Variants in ARHGEF28 observed in about 807,000 individuals in gnomAD.
ARHGEF28 encodes Rho guanine nucleotide exchange factor 28.
ARHGEF28 carries 152 observed loss-of-function variants against 206.6 expected under a neutral mutation model. The observed-to-expected ratio is 0.74, with a 90% CI of 0.64 to 0.84. The LOEUF is 0.84. Among genes scored for constraint, ARHGEF28 ranks in the 40% least tolerant of loss-of-function variants. The probability of loss-of-function intolerance (pLI) is 0.00; values close to 1 mark genes in which losing one functional copy is unlikely to be tolerated. For synonymous variants in ARHGEF28, 763 were observed against 776.4 expected (o/e 0.98, Z 0.29); for missense variants, 2,028 against 2,073.2 (o/e 0.98, Z 0.42).
chr5:73,750,111 T>G (rs1751948563), intron 3 of ARHGEF28, 127 bp downstream of exon 3: 2 of 1,050,868 alleles, frequency 1.9e-6, no homozygotes, highest in Non-Finnish European at 2.7e-6. Flanking sequence ...AGTGTGTGCG[T>G]GCCTGTGTGT....
chr5:73,901,106 C>T (rs138772206), intron 30 of ARHGEF28, 78 bp from the exon 31 acceptor site: 34 of 1,097,472 alleles, frequency 3.1e-5, no homozygotes, highest in African/African-American at 1.1e-4. Context: ...ATGTGTTGGC[C>T]GTGTACAGAA....
intron 1 of ARHGEF28, among the ~76,000 whole-genome samples, chr5:73,629,951 G>A (rs1743259743): frequency 6.6e-6 from 1 of 152,158 alleles, no homozygotes. Flanking sequence ...AGGACCAACA[G>A]GCAGAAATCA....
At chr5:73,939,013 T>A (rs1027835668) in intron 35 of ARHGEF28, among the ~76,000 whole-genome samples, 13 of 151,400 alleles carry the variant, frequency 8.6e-5, no homozygotes, top group African/African-American at 2.9e-4. Flanking sequence ...GGAGGGAAAG[T>A]ATTAAACATT....
intron 2 of ARHGEF28, among the ~76,000 whole-genome samples, chr5:73,712,636 G>A (rs533020623): frequency 6.6e-6 from 1 of 152,254 alleles, no homozygotes; most frequent in African/African-American, 2.4e-5. Flanking sequence ...TAGCTAGTGA[G>A]GAGAAATGAA....
chr5:73,739,895 T>A lies in ARHGEF28; in HGVS notation c.34-9942T>A, dbSNP rs555325295. On this transcript the variant is annotated intron_variant, in intron 2 of 35. Coordinates refer to ENST00000513042, the MANE Select transcript of ARHGEF28 (RefSeq NM_001177693.2). ...TAAAAAATAAACCTGGGGCTGGATG[T>A]GATGGCTCATGTCTGTAATTCCAGC... Among the ~76,000 whole-genome samples the A allele has an allele frequency of 1.2e-4, 18 of 150,092 alleles. No homozygotes were observed. In the South Asian group the frequency reaches 3.8e-3, roughly 32 times the overall value.
At chr5:73,649,681 T>C (rs1744672076) in intron 1 of ARHGEF28, among the ~76,000 whole-genome samples, 1 of 152,242 alleles carries the variant, frequency 6.6e-6, no homozygotes, top group Non-Finnish European at 1.5e-5. Context: ...CTGTTGTATG[T>C]TGCCACTTGT....
chr5:73,698,996 A>G (rs1016005737), intron 2 of ARHGEF28, among the ~76,000 whole-genome samples: 14 of 152,138 alleles, frequency 9.2e-5, no homozygotes, highest in Admixed American at 2.6e-4. Flanking sequence ...CTCTACCTGC[A>G]TCACCACATT....
At chr5:73,765,941 A>G (rs565762899) in intron 4 of ARHGEF28, among the ~76,000 whole-genome samples, 48 of 152,320 alleles carry the variant, frequency 3.2e-4, no homozygotes, top group African/African-American at 1.1e-3. Flanking sequence ...TCACAAGGTC[A>G]GGAGATCGAG....
At chr5:73,663,354 C>T (rs1232856927) in intron 1 of ARHGEF28, among the ~76,000 whole-genome samples, 1 of 152,294 alleles carries the variant, frequency 6.6e-6, no homozygotes, top group Non-Finnish European at 1.5e-5. Flanking sequence ...CACTAGGCAC[C>T]GAGTGCTGGA....
At chr5:73,843,442 G>A (rs974034886) in intron 11 of ARHGEF28, among the ~76,000 whole-genome samples, 1 of 152,200 alleles carries the variant, frequency 6.6e-6, no homozygotes, top group African/African-American at 2.4e-5. Flanking sequence ...TCCCTGGAAA[G>A]CCCTGGGGTG....
rs35722039 is a variant in ARHGEF28 at position 73,804,082 on chromosome 5, C to CAA, written c.1024+8715_1024+8716dup. On this transcript the variant is annotated intron_variant, in intron 9 of 35. Transcript: ENST00000513042. ...CCTGGATGACAGAGTGAGACCCTGT[C>CAA]AAAAAAAAAAAAAAAAAAAAAAAAA... Among the ~76,000 whole-genome samples, 383 of 64,274 alleles carry CAA rather than the reference C, an allele frequency of 6.0e-3. 16 individuals carry two copies. The highest frequency in any genetic ancestry group is 0.031 in the Middle Eastern group (3 of 98). 42.2% of individuals were successfully genotyped at this position (64,274 alleles called of 152,430 possible). A position where few individuals can be genotyped will look rare whatever the true frequency, so the allele number is the denominator to read the frequency against.
At chr5:73,653,788 A>G (rs1405256758) in intron 1 of ARHGEF28, among the ~76,000 whole-genome samples, 1 of 152,160 alleles carries the variant, frequency 6.6e-6, no homozygotes, top group African/African-American at 2.4e-5. Context: ...GCTCCTTTCC[A>G]GCCCTTGGAC....
At chr5:73,930,074 A>G (rs1764021384) in intron 35 of ARHGEF28, among the ~76,000 whole-genome samples, 1 of 152,234 alleles carries the variant, frequency 6.6e-6, no homozygotes, top group South Asian at 2.1e-4. Context: ...GGAGAGCAGT[A>G]AACATCTTTT....
chr5:73,648,667 G>A (rs1002596491), intron 1 of ARHGEF28, among the ~76,000 whole-genome samples: 6 of 152,208 alleles, frequency 3.9e-5, no homozygotes, highest in Non-Finnish European at 8.8e-5. Flanking sequence ...TTGCAGTCAG[G>A]TGGCTACAGG....
At chr5:73,695,855 C>T (rs544071346) in intron 2 of ARHGEF28, among the ~76,000 whole-genome samples, 4 of 152,290 alleles carry the variant, frequency 2.6e-5, no homozygotes, top group South Asian at 2.1e-4. Flanking sequence ...TCTCGCAACT[C>T]GCAGCCATAT....
At chr5:73,724,330 GA>G (rs1750150375) in intron 2 of ARHGEF28, among the ~76,000 whole-genome samples, 1 of 152,116 alleles carries the variant, frequency 6.6e-6, no homozygotes, top group African/African-American at 2.4e-5. Flanking sequence ...TTTTGAGAAA[GA>G]ATTGCCCAGA....
intron 9 of ARHGEF28, among the ~76,000 whole-genome samples, chr5:73,820,892 G>T (rs1279348382): frequency 6.6e-6 from 1 of 152,106 alleles, no homozygotes; most frequent in Non-Finnish European, 1.5e-5. Flanking sequence ...GCTTGGTAAT[G>T]GTTGTCCTCA....
At chr5:73,675,266 G>A (rs557555611) in intron 1 of ARHGEF28, among the ~76,000 whole-genome samples, 17 of 152,120 alleles carry the variant, frequency 1.1e-4, no homozygotes, top group Non-Finnish European at 1.6e-4. Flanking sequence ...CCATCCCCCT[G>A]CTGAAGCATG....
At chr5:73,781,957 C>G (rs571244078) in intron 7 of ARHGEF28, among the ~76,000 whole-genome samples, 6 of 152,094 alleles carry the variant, frequency 3.9e-5, no homozygotes, top group Non-Finnish European at 8.8e-5. Flanking sequence ...TGAGAACCAC[C>G]AAGCTTGATG....
Sources: gnomAD v4.1 joint callset for allele counts (sites outside exome capture counted in the v4.1 genomes callset) on GRCh38, gnomAD v4.1.1 for gene constraint, MANE v1.5 for transcripts, NCBI Gene and HGNC (gene_info 2026-07-23, HGNC 2026-07-21) for gene names.